EYS: variants seen among roughly 807,000 people sequenced by gnomAD.
EYS encodes protein eyes shut homolog.
A neutral mutation model predicts 282.1 loss-of-function variants in EYS; 250 were observed. The observed-to-expected ratio is 0.89, with a 90% CI of 0.80 to 0.98. The LOEUF (loss-of-function observed/expected upper bound fraction) is 0.98, where lower values mean the gene tolerates loss of function less well. EYS is among the 50% of genes least tolerant of loss of function. EYS has a pLI of 0.00. For missense variants in EYS, 4,016 were observed against 3,709.0 expected, an observed-to-expected ratio of 1.08 and a Z score of -2.15; for synonymous variants, 1,355 against 1,282.9, an observed-to-expected ratio of 1.06 and a Z score of -1.20.
intron 30 of EYS, among the ~76,000 whole-genome samples, chr6:64,268,123 C>A (rs976318462): frequency 6.6e-5 from 10 of 151,926 alleles, no homozygotes; most frequent in African/African-American, 2.2e-4. Flanking sequence ...ACAAATCCAT[C>A]ATCATAGGAA....
chr6:65,194,083 T>C (rs1562015096), intron 12 of EYS, among the ~76,000 whole-genome samples: 1 of 152,074 alleles, frequency 6.6e-6, no homozygotes, highest in East Asian at 1.9e-4. Context: ...AAACTTTGCT[T>C]TATAGATTGC....
At chr6:64,259,532 C>T (rs139612992) in intron 30 of EYS, among the ~76,000 whole-genome samples, 1 of 151,904 alleles carries the variant, frequency 6.6e-6, no homozygotes, top group Non-Finnish European at 1.5e-5. Context: ...GCCCCTCCGT[C>T]CCAGTCTCTG....
intron 36 of EYS, among the ~76,000 whole-genome samples, chr6:63,858,322 A>G (rs796622162): frequency 9.2e-5 from 14 of 152,202 alleles, no homozygotes; most frequent in African/African-American, 3.1e-4. Flanking sequence ...GGCTTCCCAA[A>G]GTACTAGGAT....
chr6:65,106,329 G>A (rs750716655), intron 12 of EYS, among the ~76,000 whole-genome samples: 1 of 151,748 alleles, frequency 6.6e-6, no homozygotes, highest in African/African-American at 2.4e-5. Flanking sequence ...ACTTGTAACT[G>A]AGGCTATTTT....
intron 22 of EYS, among the ~76,000 whole-genome samples, chr6:64,661,317 A>G (rs1769008648): frequency 6.6e-6 from 1 of 152,186 alleles, no homozygotes; most frequent in Non-Finnish European, 1.5e-5. Flanking sequence ...CATTCAGGAC[A>G]TAGGTATGGG....
At chr6:64,384,455 G>A (rs1385356549) in intron 29 of EYS, among the ~76,000 whole-genome samples, 1 of 152,024 alleles carries the variant, frequency 6.6e-6, no homozygotes, top group African/African-American at 2.4e-5. Context: ...TGAAAAAAAG[G>A]TAGCATCTTT....
chr6:65,377,954 C>G (rs754809996), intron 8 of EYS, among the ~76,000 whole-genome samples: 2 of 152,110 alleles, frequency 1.3e-5, no homozygotes, highest in Non-Finnish European at 2.9e-5. Context: ...GACGAATTCA[C>G]AGCTGAATTC....
intron 14 of EYS, among the ~76,000 whole-genome samples, chr6:64,950,801 A>G (rs1399609025): frequency 1.3e-5 from 1 of 74,664 alleles, no homozygotes; most frequent in Non-Finnish European, 2.8e-5. Context: ...ACATATACAT[A>G]TATATATATA....
intron 12 of EYS, among the ~76,000 whole-genome samples, chr6:65,191,295 G>A (rs1301597718): frequency 6.6e-6 from 1 of 151,784 alleles, no homozygotes; most frequent in Non-Finnish European, 1.5e-5. Flanking sequence ...AAAGAAAATT[G>A]TAAAAAGCGA....
intron 22 of EYS, among the ~76,000 whole-genome samples, chr6:64,677,341 A>T (rs951137411): frequency 2.0e-5 from 3 of 152,172 alleles, no homozygotes; most frequent in African/African-American, 4.8e-5. Context: ...AAAAAAACGC[A>T]ATGCTACTTT....
intron 22 of EYS, among the ~76,000 whole-genome samples, chr6:64,657,902 G>C (rs1429205964): frequency 6.6e-6 from 1 of 152,160 alleles, no homozygotes; most frequent in Non-Finnish European, 1.5e-5. Context: ...ATATTGGCCT[G>C]CCTTGCTAGA....
chr6:64,405,710 G>T (rs541735509), intron 28 of EYS, among the ~76,000 whole-genome samples: 1 of 151,804 alleles, frequency 6.6e-6, no homozygotes, highest in African/African-American at 2.4e-5. Flanking sequence ...CCAAATCATG[G>T]GTGAACTCCC....
At chr6:64,954,363 G>A (rs1459541259) in intron 14 of EYS, among the ~76,000 whole-genome samples, 1 of 151,874 alleles carries the variant, frequency 6.6e-6, no homozygotes, top group African/African-American at 2.4e-5. Flanking sequence ...TCATTGATGT[G>A]TACTGCTCAA....
intron 1 of EYS, among the ~76,000 whole-genome samples, chr6:65,653,958 C>A (rs1168028874): frequency 6.6e-6 from 1 of 151,898 alleles, no homozygotes; most frequent in Non-Finnish European, 1.5e-5. Context: ...GCCACCACAA[C>A]CCGAGCTGCC....
intron 30 of EYS, among the ~76,000 whole-genome samples, chr6:64,250,699 A>G (rs1767181400): frequency 6.6e-6 from 1 of 152,216 alleles, no homozygotes. Context: ...TTAGAGAAGT[A>G]TGCACCTAAA....
At chr6:64,166,407 C>T (rs1001854164) in intron 31 of EYS, among the ~76,000 whole-genome samples, 28 of 152,130 alleles carry the variant, frequency 1.8e-4, no homozygotes, top group African/African-American at 6.0e-4. Flanking sequence ...CTATGTCCCT[C>T]GCAGCAGTCA....
intron 11 of EYS, among the ~76,000 whole-genome samples, chr6:65,334,396 G>A (rs764183281): frequency 6.6e-6 from 1 of 151,628 alleles, no homozygotes; most frequent in Non-Finnish European, 1.5e-5. Context: ...CAAGTAGCTA[G>A]GGCTAGGAGT....
Position 63,810,588 on chromosome 6 carries a change from G to A in EYS, c.7229-4216C>T, listed in dbSNP as rs564152835. 3.3e-5 allele frequency among the ~76,000 whole-genome samples: 5 copies of A among 152,242 alleles called. No individual in the cohort carries two copies. The East Asian group carries it at 5.8e-4, about 18-fold the overall frequency. On this transcript the variant is annotated intron_variant, in intron 36 of 42. Coordinates refer to ENST00000503581, the MANE Select transcript of EYS (RefSeq NM_001142800.2). ...ATGTTTTTACTTTCTGTGTAAACTT[G>A]GGTAAGTTATTTCACTTTTCTGTTT...
At chr6:64,718,286 T>C (rs906337102) in intron 22 of EYS, among the ~76,000 whole-genome samples, 1 of 152,090 alleles carries the variant, frequency 6.6e-6, no homozygotes, top group Non-Finnish European at 1.5e-5. Flanking sequence ...GCTGATGACA[T>C]GGGTTATGAG....
Sources: allele counts gnomAD v4.1 joint callset (sites outside exome capture counted in the v4.1 genomes callset), GRCh38; gene constraint gnomAD v4.1.1; transcripts MANE v1.5; gene names NCBI Gene and HGNC (gene_info 2026-07-23, HGNC 2026-07-21).